The following PEX16 variants were observed in gnomAD, a reference collection of about 807,000 sequenced individuals.
PEX16 encodes peroxisomal biogenesis factor 16.
A neutral mutation model predicts 50.5 loss-of-function variants in PEX16; 37 were observed. The observed-to-expected ratio is 0.73, with a 90% CI of 0.56 to 0.96. The LOEUF is 0.96. PEX16 is among the 40% of genes least tolerant of loss of function. The pLI, the probability that PEX16 is intolerant of heterozygous loss-of-function variation, is 0.00. For synonymous variants in PEX16, 185 were observed against 190.3 expected (o/e 0.97, Z 0.23); for missense variants, 401 against 438.3 (o/e 0.91, Z 0.76).
intron 9 of PEX16, among the ~76,000 whole-genome samples, chr11:45,911,227 C>T (rs1411779823): frequency 6.6e-6 from 1 of 152,194 alleles, no homozygotes; most frequent in Non-Finnish European, 1.5e-5. Flanking sequence ...TCCCCTTCCA[C>T]CGACATCCAA....
chr11:45,916,014 A>G (rs1002805743), intron 3 of PEX16, among the ~76,000 whole-genome samples, 178 bp from the exon 4 acceptor site: 6 of 152,124 alleles, frequency 3.9e-5, no homozygotes, highest in Middle Eastern at 6.8e-3. Flanking sequence ...GACCTGAAAC[A>G]GCTGACTCTA....
intron 2 of PEX16, chr11:45,916,973 C>A (rs950982141): frequency 6.5e-6 from 3 of 460,618 alleles, no homozygotes; most frequent in African/African-American, 6.0e-5. Context: ...CCTGGCCTCA[C>A]CTCTGCTTTT....
chr11:45,914,502 GC>G, intron 6 of PEX16, 34 bp from the exon 7 acceptor site: 2 of 1,609,990 alleles, frequency 1.2e-6, no homozygotes, highest in Admixed American at 1.7e-5. Context: ...AGCGAGCCAG[GC>G]CCAGGCTGGG....
At chr11:45,915,674 C>CCAGGA in intron 4 of PEX16, 29 bp downstream of exon 4, 1 of 1,613,792 alleles carries the variant, frequency 6.2e-7, no homozygotes, top group East Asian at 2.2e-5. Flanking sequence ...TCACCCCCAC[C>CCAGGA]CAGGACCCTC....
At chr11:45,913,029 C>A (rs946262759) in intron 9 of PEX16, among the ~76,000 whole-genome samples, 6 of 151,704 alleles carry the variant, frequency 4.0e-5, no homozygotes, top group African/African-American at 1.5e-4. Context: ...AATTGGGTTG[C>A]CCAGGCTGGT....
In PEX16 at chr11:45,916,236, C is replaced by G. The variant is rs886957873; in HGVS notation, c.216G>C (p.Lys72Asn). Reference protein sequence around the residue: ...DGILRKELRKKLPVSLSQQKL... With the variant: ...DGILRKELRKNLPVSLSQQKL... ...TTGGCAGAATTCTCACCACAGGCAA[C>G]TTTTTCCGAAGCTCCTTCCGTAGGA... The change falls in exon 3 of 11, where the codon AAG becomes AAC. Residue 72 changes from lysine to asparagine, a missense_variant. Transcript: ENST00000378750. The G allele has an allele frequency of 6.8e-6, 11 of 1,613,734 alleles. No homozygotes were observed.
chr11:45,917,928 C>T (rs1166267503), upstream of PEX16: 2 of 774,418 alleles, frequency 2.6e-6, no homozygotes, highest in Non-Finnish European at 4.4e-6. Flanking sequence ...TGCTTAACTT[C>T]CGCGGGCCAG....
rs1451639995 is a variant in PEX16 at position 45,917,714 on chromosome 11, C to G, written c.98G>C (p.Ser33Thr). The change falls in exon 1 of 11, where the codon AGT becomes ACT. Residue 33 changes from serine (S) to threonine (T), a missense_variant. Physicochemically the swap from Ser to Thr is moderately conservative, Grantham distance 58. Coordinates refer to ENST00000378750, the MANE Select transcript of PEX16 (RefSeq NM_004813.4). ...CAGGGTGGCACCTGCCAGCAGGTAA[C>G]TGAAGCCCCGCACTGCTGTCTCCAG... ...AQLETAVRGF[S>T]YLLAGRFADS... 1.5e-5 allele frequency: 23 copies of G among 1,559,594 alleles called. No individual in the cohort carries two copies. The highest frequency in any genetic ancestry group is 2.0e-5 in the Non-Finnish European group (23 of 1,151,650).
At chr11:45,913,089 C>T (rs1404685441) in intron 9 of PEX16, among the ~76,000 whole-genome samples, 1 of 152,010 alleles carries the variant, frequency 6.6e-6, no homozygotes, top group Non-Finnish European at 1.5e-5. Context: ...TCCTAAAGTG[C>T]TAGGATTATA....
In PEX16 at chr11:45,915,755, C is replaced by G. The variant is rs11553094; in HGVS notation, c.307G>C (p.Val103Leu). The G allele has an allele frequency of 2.5e-6, 4 of 1,613,956 alleles. No individual in the cohort carries two copies. Among genetic ancestry groups the G allele is most frequent in the Non-Finnish European group, 3.4e-6 (4 of 1,180,030 alleles). ...EVFMEMGAAK[V>L]WGEVGRWLVI... ...AGCCAGCGGCCCACTTCACCCCACA[C>G]CTTGGCAGCTCCCATCTCCATGAAC... is the stretch of plus-strand genomic sequence containing the variant. The change falls in exon 4 of 11, where the codon GTG becomes CTG. Residue 103 changes from valine (V) to leucine (L), a missense_variant. Physicochemically the swap from Val to Leu is conservative, Grantham distance 32 (BLOSUM62 1). Transcript: ENST00000378750.
chr11:45,916,586 G>A (rs1043018173), intron 2 of PEX16, among the ~76,000 whole-genome samples: 5 of 152,206 alleles, frequency 3.3e-5, no homozygotes, highest in Non-Finnish European at 5.9e-5. Flanking sequence ...ACTGCCCATC[G>A]CTCTCTGAAC....
Position 45,914,357 on chromosome 11 carries a change from G to C in PEX16, c.653C>G (p.Thr218Ser). 2 of 1,611,796 alleles carry C rather than the reference G, an allele frequency of 1.2e-6. No individual in the cohort carries two copies. Among genetic ancestry groups the C allele is most frequent in the Admixed American group, 1.7e-5 (1 of 60,034 alleles). ...ATPTPLGLQE[T>S]IAEFLYIARP... Reference sequence around the variant, plus strand: ...GGCAATGTACAAAAACTCTGCGATGGTCTCCTGCAGCCCCAGGGGGGTGGG... The same window carrying C: ...GGCAATGTACAAAAACTCTGCGATGCTCTCCTGCAGCCCCAGGGGGGTGGG... Residue 218 changes from threonine to serine, a missense_variant, in exon 7 of 11, where the codon ACC becomes AGC. Coordinates refer to ENST00000378750, the MANE Select transcript of PEX16 (RefSeq NM_004813.4).
At chr11:45,912,250 G>A (rs2086786676) in intron 9 of PEX16, among the ~76,000 whole-genome samples, 2 of 152,094 alleles carry the variant, frequency 1.3e-5, no homozygotes, top group South Asian at 4.1e-4. Context: ...TGTAATCCCA[G>A]AACTTTGGGA....
intron 9 of PEX16, chr11:45,911,828 A>G (rs2086781595): frequency 6.6e-6 from 1 of 151,056 alleles, no homozygotes; most frequent in Non-Finnish European, 1.5e-5. Context: ...GTTCGAGACG[A>G]GCCTGACCAA....
chr11:45,912,472 C>T (rs2086788840), intron 9 of PEX16, among the ~76,000 whole-genome samples: 1 of 152,090 alleles, frequency 6.6e-6, no homozygotes, highest in African/African-American at 2.4e-5. Context: ...ACACTCCAGC[C>T]TAGGCAGGCA....
rs1198657633 is a variant in PEX16, at chr11:45,910,153, C to A, written c.*101G>T. ...CTGTGTGTGGGGCCTGGCCGGTAGG[C>A]ACGGAGAGGCCGCACGCTGGGACGC... On this transcript the variant is annotated 3_prime_UTR_variant, in exon 11 of 11. Transcript: ENST00000378750. 6.2e-7 allele frequency: 1 copy of A among 1,611,934 alleles called. No individual in the cohort carries two copies.
chr11:45,910,914 G>C lies in PEX16; in HGVS notation c.936C>G (p.Gly312=). The C allele has an allele frequency of 1.2e-6, 2 of 1,613,616 alleles. No homozygotes were observed. The highest frequency in any genetic ancestry group is 8.5e-7 in the Non-Finnish European group (1 of 1,179,978). The change falls in exon 10 of 11, where the codon GGC becomes GGG. Residue 312 remains glycine (G), a synonymous_variant. Transcript: ENST00000378750. ...CCTGCTTACTTGTGACCAGGCCAAC[G>C]CCAGGGACGTGGTCGGCCAGCAACT... ...LLQLLADHVP[G]VGLVTRPLMD...
At chr11:45,917,282 T>C in intron 2 of PEX16, 176 bp downstream of exon 2, 1 of 693,982 alleles carries the variant, frequency 1.4e-6, no homozygotes, top group Non-Finnish European at 2.6e-6. Context: ...GTCTCTTGAC[T>C]TAGGGACATG....
chr11:45,917,513 G>A lies in PEX16; in HGVS notation c.113-20C>T. 2 of 1,613,920 alleles carry A rather than the reference G, an allele frequency of 1.2e-6. No homozygotes were observed. The highest frequency in any genetic ancestry group is 2.2e-5 in the East Asian group (1 of 44,878). ...ATCGACCTGGGGAGAGGGTACAGAA[G>A]GAGGTGTGAGTGAGCATCTGCCTCA... is the stretch of plus-strand genomic sequence containing the variant. On this transcript the variant is annotated intron_variant, in intron 1 of 10. Coordinates refer to ENST00000378750, the MANE Select transcript of PEX16 (RefSeq NM_004813.4).
Sources: allele counts gnomAD v4.1 joint callset (sites outside exome capture counted in the v4.1 genomes callset), GRCh38; gene constraint gnomAD v4.1.1; transcripts MANE v1.5; gene names NCBI Gene and HGNC (gene_info 2026-07-23, HGNC 2026-07-21).